INA: variants seen among roughly 807,000 people sequenced by gnomAD.
The protein encoded by INA is internexin neuronal intermediate filament protein alpha.
A neutral mutation model predicts 40.1 loss-of-function variants in INA; 35 were observed. The observed-to-expected ratio is 0.87, with a 90% CI of 0.67 to 1.16. INA has a LOEUF of 1.16. Ranked by LOEUF, INA falls within the 50% of genes most tolerant of loss-of-function variation. The pLI is 0.00. For missense variants in INA, 594 were observed against 686.7 expected, an observed-to-expected ratio of 0.87 and a Z score of 1.51; for synonymous variants, 290 against 316.9, an observed-to-expected ratio of 0.92 and a Z score of 0.90.
rs1235237454 is a variant in INA, at chr10:103,278,965, CCTT to C, written c.1065+690_1065+692del. On this transcript the variant is annotated intron_variant, in intron 1 of 2. Transcript: ENST00000369849. The surrounding 1 kb of genome is among the most constrained non-coding windows in gnomAD (Gnocchi z 4.9). ...CCTTGTCCACCAGCTGACATTTCCT[CCTT>C]AAGAAAGCGTTCGCCGGTTGGCAAA... 4.0e-5 allele frequency among the ~76,000 whole-genome samples: 6 copies of C among 150,432 alleles called. No individual in the cohort carries two copies. The highest frequency in any genetic ancestry group is 5.9e-5 in the Non-Finnish European group (4 of 67,590).
chr10:103,285,130 T>A (rs930607833), intron 1 of INA, among the ~76,000 whole-genome samples: 3 of 151,250 alleles, frequency 2.0e-5, no homozygotes, highest in Admixed American at 1.3e-4. Flanking sequence ...ATTATAGGCA[T>A]GCACCACCAC....
Position 103,288,667 on chromosome 10 carries a change from T to C in INA, c.1498T>C (p.Ter500GlnextTer10). The C allele has an allele frequency of 6.4e-7, 1 of 1,558,506 alleles. No individual in the cohort carries two copies. The highest frequency in any genetic ancestry group is 2.0e-5 in the Admixed American group (1 of 50,108). The part of the protein sequence containing the change: ...EETTISSQKI[*>Q] ...AACCACCATTTCAAGCCAAAAAATA[T>C]AATTCCATTGCTTTGAAAAAGTTAA... Residue 500 changes from the stop codon to glutamine (Q), a stop_lost, in exon 3 of 3, where the codon TAA becomes CAA. Transcript: ENST00000369849.
rs1179692626 is a variant in INA at position 103,289,900 on chromosome 10, C to A, written c.*1231C>A. On this transcript the variant is annotated 3_prime_UTR_variant, in exon 3 of 3. Coordinates refer to ENST00000369849, the MANE Select transcript of INA (RefSeq NM_032727.4). ...TCTTTCTCTTTTCTAAAAGACTTCC[C>A]TAACACTTACCCCATGGCTGCACAG... 1 of 152,648 alleles carries A rather than the reference C, an allele frequency of 6.6e-6. No individual in the cohort carries two copies. Among genetic ancestry groups the A allele is most frequent in the African/African-American group, 2.4e-5 (1 of 41,448 alleles). 9.5% of individuals were successfully genotyped at this position (152,648 alleles called of 1,614,324 possible). A position where few individuals can be genotyped will look rare whatever the true frequency, so the allele number is the denominator to read the frequency against.
At chr10:103,288,219 T>A in intron 2 of INA, 141 bp from the exon 3 acceptor site, 1 of 752,742 alleles carries the variant, frequency 1.3e-6, no homozygotes. Flanking sequence ...GCTTTGAAAT[T>A]AAATATTTAT....
rs1367276505 is a variant in INA at position 103,277,699 on chromosome 10, A to T, written c.488A>T (p.Gln163Leu). The T allele has an allele frequency of 7.3e-7, 1 of 1,372,304 alleles. No individual in the cohort carries two copies. Among genetic ancestry groups the T allele is most frequent in the Non-Finnish European group, 9.3e-7 (1 of 1,073,704 alleles). The allele number at this position is 1,372,304 out of a possible 1,614,324, so 85.0% of individuals were successfully genotyped here. A position where few individuals can be genotyped will look rare whatever the true frequency, so the allele number is the denominator to read the frequency against. ...GAGGAGGCCAGCTCGGCTCGCTCGC[A>T]GGCCCTGCTGGAGCGCGACGGGCTG... ...QLEEASSARS[Q>L]ALLERDGLAE... is the part of the protein sequence containing the mutation. Residue 163 changes from glutamine to leucine, a missense_variant, in exon 1 of 3, where the codon CAG (glutamine) becomes CTG (leucine). Gln to Leu is a moderately radical substitution (Grantham distance 113). Transcript: ENST00000369849. This position sits in a 1 kb window ranked among gnomAD's most constrained non-coding sequence, Gnocchi z 5.6.
intron 1 of INA, among the ~76,000 whole-genome samples, chr10:103,286,136 T>C (rs967218909): frequency 2.6e-5 from 4 of 151,996 alleles, no homozygotes; most frequent in African/African-American, 9.7e-5. Flanking sequence ...AAGACCAGCC[T>C]GGACAACATA....
chr10:103,277,882 T>C lies in INA; in HGVS notation c.671T>C (p.Leu224Pro). The change falls in exon 1 of 3, where the codon CTG becomes CCG. Residue 224 changes from leucine to proline, a missense_variant. Physicochemically the swap from Leu to Pro is moderately conservative, Grantham distance 98. Transcript: ENST00000369849. The surrounding 1 kb of genome is among the most constrained non-coding windows in gnomAD (Gnocchi z 5.6). ...AAGGTGGAGTCGCTGCTGGACGAGC[T>C]GGCCTTCGTACGCCAGGTGCACGAC... ...EKKVESLLDE[L>P]AFVRQVHDEE... The C allele has an allele frequency of 1.3e-6, 2 of 1,550,056 alleles. No individual in the cohort carries two copies. Among genetic ancestry groups the C allele is most frequent in the Non-Finnish European group, 1.7e-6 (2 of 1,146,848 alleles).
rs201647490 is a variant in INA, at chr10:103,277,290, G to A, written c.79G>A (p.Ala27Thr). The A allele has an allele frequency of 1.3e-6, 2 of 1,560,540 alleles. No homozygotes were observed. The highest frequency in any genetic ancestry group is 1.7e-6 in the Non-Finnish European group (2 of 1,161,000). The change falls in exon 1 of 3, where the codon GCC (alanine) becomes ACC (threonine). Residue 27 changes from alanine to threonine, a missense_variant. By Grantham distance (58) the Ala-to-Thr change is moderately conservative. Transcript: ENST00000369849. The surrounding 1 kb of genome is among the most constrained non-coding windows in gnomAD (Gnocchi z 5.6). The stretch of plus-strand genomic sequence containing the variant: ...GTTCGGGGATGGCTCTCGCCTGTCC[G>A]CCCGCCTCTCTGGGGCCGGCGGCGC... ...KVFGDGSRLS[A>T]RLSGAGGAGG... is the part of the protein sequence containing the mutation.
rs2093093466 is a variant in INA, at chr10:103,288,994, G to A, written c.*325G>A. The A allele has an allele frequency of 5.7e-6, 1 of 176,342 alleles. No individual in the cohort carries two copies. The highest frequency in any genetic ancestry group is 1.2e-5 in the Non-Finnish European group (1 of 84,022). 10.9% of individuals were successfully genotyped at this position (176,342 alleles called of 1,614,324 possible). A position where few individuals can be genotyped will look rare whatever the true frequency, so the allele number is the denominator to read the frequency against. ...AAATCTGCGATCATCGTCATTTGCT[G>A]TGAACTGAAATTAAAACTATTCATG... On this transcript the variant is annotated 3_prime_UTR_variant, in exon 3 of 3. Transcript: ENST00000369849.
intron 1 of INA, among the ~76,000 whole-genome samples, chr10:103,279,464 G>A (rs192955760): frequency 2.6e-5 from 4 of 152,140 alleles, no homozygotes; most frequent in Admixed American, 6.5e-5. Flanking sequence ...GATTATGACC[G>A]CAAATGGCAC....
In INA at chr10:103,277,877, C is replaced by A. The variant is rs1280631447; in HGVS notation, c.666C>A (p.Asp222Glu). Residue 222 changes from aspartate to glutamate, a missense_variant, in exon 1 of 3, where the codon GAC becomes GAA. Transcript: ENST00000369849. The surrounding 1 kb of genome is among the most constrained non-coding windows in gnomAD (Gnocchi z 5.6). ...DLEKKVESLLDELAFVRQVHD... is the reference protein window; with the variant it reads ...DLEKKVESLLEELAFVRQVHD... The stretch of plus-strand genomic sequence containing the variant: ...AGAAGAAGGTGGAGTCGCTGCTGGA[C>A]GAGCTGGCCTTCGTACGCCAGGTGC... 1 of 1,549,786 alleles carries A rather than the reference C, an allele frequency of 6.5e-7. No individual in the cohort carries two copies. The highest frequency in any genetic ancestry group is 8.7e-7 in the Non-Finnish European group (1 of 1,146,848).
intron 1 of INA, chr10:103,280,754 A>G (rs2093070888): frequency 1.0e-5 from 10 of 985,360 alleles, no homozygotes; most frequent in Non-Finnish European, 1.2e-5. Context: ...AGAAGAGATT[A>G]GGAAGAGCTA....
At chr10:103,286,080 C>G (rs1304812566) in intron 1 of INA, among the ~76,000 whole-genome samples, 1 of 152,010 alleles carries the variant, frequency 6.6e-6, no homozygotes, top group Non-Finnish European at 1.5e-5. Flanking sequence ...GTAATCTAAG[C>G]ACTTTAGGAG....
chr10:103,282,399 C>G (rs114642587), intron 1 of INA, among the ~76,000 whole-genome samples: 364 of 152,276 alleles, frequency 2.4e-3, no homozygotes, highest in African/African-American at 7.7e-3. Context: ...AACACGATTT[C>G]AAAATGCTTT....
chr10:103,281,636 C>T (rs1230111789), intron 1 of INA, among the ~76,000 whole-genome samples: 1 of 152,196 alleles, frequency 6.6e-6, no homozygotes, highest in Non-Finnish European at 1.5e-5. Context: ...CCTCCGTCCC[C>T]ACTCAAGTTG....
chr10:103,281,241 C>T (rs924135309), intron 1 of INA, among the ~76,000 whole-genome samples: 10 of 152,268 alleles, frequency 6.6e-5, no homozygotes, highest in African/African-American at 2.4e-4. Context: ...GTTTGCCCCT[C>T]CCTATCTTAC....
At chr10:103,284,978 T>C (rs1444528077) in intron 1 of INA, among the ~76,000 whole-genome samples, 2 of 151,838 alleles carry the variant, frequency 1.3e-5, no homozygotes, top group African/African-American at 4.8e-5. Context: ...TATTTTATTT[T>C]ATTTTATTTT....
intron 1 of INA, among the ~76,000 whole-genome samples, chr10:103,279,661 C>T (rs1471678303): frequency 6.6e-6 from 1 of 151,984 alleles, no homozygotes; most frequent in Admixed American, 6.6e-5. Flanking sequence ...TAAAATAGAA[C>T]CAAGAAAGGA....
In INA at chr10:103,289,597, GT is replaced by G. The variant is rs2093095155; in HGVS notation, c.*929del. On this transcript the variant is annotated 3_prime_UTR_variant, in exon 3 of 3. Coordinates refer to ENST00000369849, the MANE Select transcript of INA (RefSeq NM_032727.4). ...GATTTAGTAGTGTAAGCTAGAAGAA[GT>G]GAGTGTTTCTATGAGTGGAAAAAGC... is the stretch of plus-strand genomic sequence containing the variant. 1 of 152,586 alleles carries G rather than the reference GT, an allele frequency of 6.6e-6. No individual in the cohort carries two copies. Among genetic ancestry groups the G allele is most frequent in the African/African-American group, 2.4e-5 (1 of 41,410 alleles). 9.5% of individuals were successfully genotyped at this position (152,586 alleles called of 1,614,324 possible).
Sources: allele counts gnomAD v4.1 joint callset (sites outside exome capture counted in the v4.1 genomes callset), GRCh38; gene constraint gnomAD v4.1.1; non-coding constraint Gnocchi (gnomAD v3.1); transcripts MANE v1.5; gene names NCBI Gene and HGNC (gene_info 2026-07-23, HGNC 2026-07-21).